TCF4: variants seen among roughly 807,000 people sequenced by gnomAD.
The protein encoded by TCF4 is SL3-3 enhancer factor 2.
In TCF4, 3 loss-of-function variants were observed where a neutral mutation model predicts 82.1. The observed-to-expected ratio is 0.04, with a 90% CI of 0.02 to 0.09. The LOEUF (loss-of-function observed/expected upper bound fraction) is 0.09, where lower values mean the gene tolerates loss of function less well. TCF4 is among the 10% of genes least tolerant of loss of function. The pLI, the probability that TCF4 is intolerant of heterozygous loss-of-function variation, is 1.00. For synonymous variants in TCF4, 276 were observed against 309.6 expected, an observed-to-expected ratio of 0.89 and a Z score of 1.14; for missense variants, 518 against 852.7, an observed-to-expected ratio of 0.61 and a Z score of 4.89.
intron 15 of TCF4, among the ~76,000 whole-genome samples, chr18:55,237,241 C>A (rs549194354): frequency 6.6e-6 from 1 of 152,080 alleles, no homozygotes; most frequent in East Asian, 1.9e-4. Flanking sequence ...TTACGGTGAT[C>A]TTTGTCTCTA....
upstream of TCF4, among the ~76,000 whole-genome samples, chr18:55,590,002 G>A (rs1428962391): frequency 6.6e-6 from 1 of 152,238 alleles, no homozygotes; most frequent in African/African-American, 2.4e-5. Context: ...GGGCGGCACT[G>A]TGGGAGTTCC....
intron 8 of TCF4, chr18:55,322,105 CTTTT>C (rs1213553765): frequency 7.9e-5 from 69 of 872,530 alleles, no homozygotes; most frequent in Admixed American, 1.5e-4. Flanking sequence ...TTTTTTTTTC[CTTTT>C]TTTTTTTTTT....
chr18:55,346,797 A>T (rs1172362572), intron 8 of TCF4, among the ~76,000 whole-genome samples: 1 of 152,206 alleles, frequency 6.6e-6, no homozygotes, highest in African/African-American at 2.4e-5. Context: ...AAAGTTTCCA[A>T]AAGATAATGC....
intron 8 of TCF4, among the ~76,000 whole-genome samples, chr18:55,289,323 A>G (rs1005953444): frequency 2.0e-4 from 31 of 152,234 alleles, no homozygotes; most frequent in African/African-American, 7.5e-4. Context: ...AATATGTTCT[A>G]AACACTTAAC....
In TCF4 at chr18:55,262,907, A is replaced by C. The variant is rs532571358; in HGVS notation, c.923-1374T>G. ...CTGCAACCTCTGCCTTCCGGGTTCA[A>C]GCAATTCTCCTGCCTCAGCCTCCTG... is the stretch of plus-strand genomic sequence containing the variant. On this transcript the variant is annotated intron_variant, in intron 11 of 19. Transcript: ENST00000354452. Among the ~76,000 whole-genome samples, 27 of 152,258 alleles carry C rather than the reference A, an allele frequency of 1.8e-4. No homozygotes were observed. The East Asian group carries it at 4.8e-3, about 27-fold the overall frequency.
intron 8 of TCF4, chr18:55,322,425 GA>G (rs967879627): frequency 0.064 from 49,078 of 770,748 alleles, 120 homozygotes; most frequent in African/African-American, 0.11. Context: ...GGGGAGGGAA[GA>G]AAAAAAAAAA....
At chr18:55,402,038 C>T (rs2093849959) in intron 6 of TCF4, 17 of 985,308 alleles carry the variant, frequency 1.7e-5, no homozygotes, top group Non-Finnish European at 1.9e-5. Flanking sequence ...CTATCTAGCC[C>T]GAACATTTGC....
At chr18:55,480,639 A>G (rs1280219067) in intron 3 of TCF4, among the ~76,000 whole-genome samples, 1 of 152,202 alleles carries the variant, frequency 6.6e-6, no homozygotes, top group Non-Finnish European at 1.5e-5. Context: ...AACATTTTTC[A>G]TGTCACCTTG....
chr18:55,487,193 C>T (rs1048525587), intron 3 of TCF4, among the ~76,000 whole-genome samples: 1 of 152,180 alleles, frequency 6.6e-6, no homozygotes, highest in Non-Finnish European at 1.5e-5. Context: ...CCCTGGCTGT[C>T]GAGTCTCGTG....
intron 8 of TCF4, among the ~76,000 whole-genome samples, chr18:55,311,499 A>G (rs1024601119): frequency 6.6e-6 from 1 of 152,208 alleles, no homozygotes; most frequent in Admixed American, 6.5e-5. Flanking sequence ...CTAAAGATAT[A>G]TGTTTGTAAT....
upstream of TCF4, among the ~76,000 whole-genome samples, chr18:55,589,107 A>AAC (rs906541761): frequency 2.9e-4 from 44 of 152,292 alleles, no homozygotes; most frequent in Admixed American, 2.4e-3. Context: ...TGAAAAAAAA[A>AAC]ACACACATTC....
intron 3 of TCF4, among the ~76,000 whole-genome samples, chr18:55,470,456 G>A (rs978145316): frequency 7.2e-5 from 11 of 152,210 alleles, no homozygotes; most frequent in Non-Finnish European, 1.2e-4. Flanking sequence ...GATTTATTCA[G>A]TGGCTTAGTT....
chr18:55,433,088 T>C (rs890687732), intron 5 of TCF4, among the ~76,000 whole-genome samples: 3 of 152,208 alleles, frequency 2.0e-5, no homozygotes, highest in Admixed American at 2.0e-4. Context: ...ATAACTTATA[T>C]TTATATCTAA....
chr18:55,610,110 A>G (rs1307080296), intron 2 of TCF4, among the ~76,000 whole-genome samples: 1 of 152,060 alleles, frequency 6.6e-6, no homozygotes, highest in African/African-American at 2.4e-5. Flanking sequence ...ATATTTTTGG[A>G]ATGAGTGAAT....
At position 55,261,345 on chromosome 18, in the gene TCF4, A is replaced by G. The variant is rs1224009458; in HGVS notation, c.990+121T>C. The G allele has an allele frequency of 3.3e-6, 4 of 1,202,550 alleles. No homozygotes were observed. The Admixed American group carries it at 5.1e-5, about 15-fold the overall frequency. The allele number at this position is 1,202,550 out of a possible 1,614,324, so 74.5% of individuals were successfully genotyped here. On this transcript the variant is annotated intron_variant, in intron 12 of 19. Transcript: ENST00000354452. The stretch of plus-strand genomic sequence containing the variant: ...CCAGTGACTGTTATGCAAGAAAGCT[A>G]GCATTTTCCAAAAATCAAAGCTATT...
In TCF4 at chr18:55,586,189, CAGCAGCAGCAG is replaced by C. The variant is rs2097648606; in HGVS notation, c.72+845_73-838del. 2.4e-5 allele frequency: 15 copies of C among 637,738 alleles called. 2 individuals carry two copies. Among genetic ancestry groups the C allele is most frequent in the Admixed American group, 1.9e-4 (3 of 15,630 alleles). The allele number at this position is 637,738 out of a possible 1,614,324, so 39.5% of individuals were successfully genotyped here. A position where few individuals can be genotyped will look rare whatever the true frequency, so the allele number is the denominator to read the frequency against. On this transcript the variant is annotated intron_variant, in intron 2 of 19. Transcript: ENST00000354452. ...GCAGCAGCAGCAGCAGCAGCAGCAG[CAGCAGCAGCAG>C]CAGCAGCAGCAGCAGCAGCAGCAGC... is the stretch of plus-strand genomic sequence containing the variant.
chr18:55,622,163 A>ACG (rs1316891679), intron 2 of TCF4, among the ~76,000 whole-genome samples: 4 of 125,614 alleles, frequency 3.2e-5, no homozygotes, highest in African/African-American at 1.2e-4. Context: ...ACACACACAC[A>ACG]CACACACACG....
At chr18:55,287,424 T>C (rs902760078) in intron 8 of TCF4, among the ~76,000 whole-genome samples, 1 of 152,196 alleles carries the variant, frequency 6.6e-6, no homozygotes, top group East Asian at 1.9e-4. Context: ...CCAAGAGGCG[T>C]TTTCCCCTTC....
chr18:55,586,925 G>T, intron 2 of TCF4, 120 bp downstream of exon 2: 1 of 842,272 alleles, frequency 1.2e-6, no homozygotes, highest in Non-Finnish European at 2.0e-6. Context: ...ATTTACCAAG[G>T]ATTCAGCCAA....
Sources: gnomAD v4.1 joint callset for allele counts (sites outside exome capture counted in the v4.1 genomes callset) on GRCh38, gnomAD v4.1.1 for gene constraint, MANE v1.5 for transcripts, NCBI Gene and HGNC (gene_info 2026-07-23, HGNC 2026-07-21) for gene names.